Variants in IRF2 observed in about 807,000 individuals in gnomAD.
IRF2 encodes interferon regulatory factor 2.
IRF2 carries 15 observed loss-of-function variants against 40.6 expected under a neutral mutation model. That is an observed-to-expected ratio of 0.37 (90% CI 0.25 to 0.57). The LOEUF is 0.57. Among genes scored for constraint, IRF2 ranks in the 20% least tolerant of loss-of-function variants. The probability of loss-of-function intolerance (pLI) is 0.77; values close to 1 mark genes in which losing one functional copy is unlikely to be tolerated. For synonymous variants in IRF2, 151 were observed against 165.5 expected, an observed-to-expected ratio of 0.91 and a Z score of 0.67; for missense variants, 317 against 455.7, an observed-to-expected ratio of 0.70 and a Z score of 2.77.
chr4:184,465,400 T>A (rs560842646), intron 1 of IRF2, among the ~76,000 whole-genome samples: 1 of 152,136 alleles, frequency 6.6e-6, no homozygotes, highest in Non-Finnish European at 1.5e-5. Context: ...ATATTAGCAC[T>A]CTCTTGAGAA....
At chr4:184,393,391 A>G (rs1272660432) in intron 7 of IRF2, among the ~76,000 whole-genome samples, 6 of 152,164 alleles carry the variant, frequency 3.9e-5, no homozygotes, top group Non-Finnish European at 8.8e-5. Flanking sequence ...ACTCTCCATA[A>G]ATATCACTGT....
intron 1 of IRF2, among the ~76,000 whole-genome samples, chr4:184,434,214 CTA>C (rs372008359): frequency 2.2e-4 from 33 of 152,316 alleles, no homozygotes; most frequent in African/African-American, 7.7e-4. Context: ...CACAGAGCGG[CTA>C]TGTTTGTCTA....
At chr4:184,396,261 T>C (rs1246809944) in intron 7 of IRF2, among the ~76,000 whole-genome samples, 1 of 152,182 alleles carries the variant, frequency 6.6e-6, no homozygotes, top group African/African-American at 2.4e-5. Flanking sequence ...GATGTGGCTG[T>C]GTTCTGAACG....
chr4:184,463,660 T>TATA lies in IRF2; in HGVS notation c.-7+10718_-7+10719insTAT, dbSNP rs370250157. Among the ~76,000 whole-genome samples, 6 of 151,546 alleles carry TATA rather than the reference T, an allele frequency of 4.0e-5. No individual in the cohort carries two copies. The South Asian group carries it at 1.0e-3, about 26-fold the overall frequency. On this transcript the variant is annotated intron_variant, in intron 1 of 8. Transcript: ENST00000393593. Reference sequence around the variant, plus strand: ...GACAATATCGTGCATATATATATATTTTTTTTTTGATGGGCTGTGGTACGG... The same window carrying TATA: ...GACAATATCGTGCATATATATATATTATATTTTTTTTGATGGGCTGTGGTACGG...
chr4:184,405,772 C>G (rs115176899), intron 6 of IRF2, among the ~76,000 whole-genome samples: 1 of 152,054 alleles, frequency 6.6e-6, no homozygotes, highest in Non-Finnish European at 1.5e-5. Flanking sequence ...AACGAGGCAG[C>G]GGCAGCCAGG....
intron 1 of IRF2, among the ~76,000 whole-genome samples, chr4:184,455,992 C>A (rs1042812722): frequency 1.3e-5 from 2 of 152,140 alleles, no homozygotes; most frequent in African/African-American, 4.8e-5. Flanking sequence ...GTGGGCACGT[C>A]AGTGTTAAAG....
At chr4:184,405,080 TA>T (rs1736803361) in intron 6 of IRF2, among the ~76,000 whole-genome samples, 1 of 152,074 alleles carries the variant, frequency 6.6e-6, no homozygotes, top group Admixed American at 6.5e-5. Flanking sequence ...CCATCTCTAC[TA>T]AATACAAAAA....
At chr4:184,417,608 T>A (rs1250365664) in intron 5 of IRF2, among the ~76,000 whole-genome samples, 2 of 152,164 alleles carry the variant, frequency 1.3e-5, no homozygotes, top group East Asian at 1.9e-4. Context: ...GACACACACA[T>A]GCACATCCCA....
At position 184,469,073 on chromosome 4, in the gene IRF2, T is replaced by C. The variant is rs141775984; in HGVS notation, c.-7+5306A>G. Reference sequence around the variant, plus strand: ...AAACAAATGAAATAATAACACAATGTGTGCATTTAAGAAAACCATTGCATG... The same window carrying C: ...AAACAAATGAAATAATAACACAATGCGTGCATTTAAGAAAACCATTGCATG... On this transcript the variant is annotated intron_variant, in intron 1 of 8. Transcript: ENST00000393593. Among the ~76,000 whole-genome samples, 1,245 of 152,348 alleles carry C rather than the reference T, an allele frequency of 8.2e-3. 7 individuals are homozygous for C. The highest frequency in any genetic ancestry group is 0.013 in the Non-Finnish European group (881 of 68,030).
At chr4:184,456,069 G>A (rs1302583618) in intron 1 of IRF2, among the ~76,000 whole-genome samples, 1 of 152,156 alleles carries the variant, frequency 6.6e-6, no homozygotes, top group Non-Finnish European at 1.5e-5. Context: ...GAGCACACCG[G>A]AGTGGGTGCC....
At chr4:184,443,736 G>A (rs1419439024) in intron 1 of IRF2, among the ~76,000 whole-genome samples, 1 of 152,092 alleles carries the variant, frequency 6.6e-6, no homozygotes, top group Non-Finnish European at 1.5e-5. Context: ...CCCAGTAATG[G>A]AATTGCTGGG....
At position 184,388,065 on chromosome 4, in the gene IRF2, C is replaced by T. The variant is rs1230422105; in HGVS notation, c.*693G>A. On this transcript the variant is annotated 3_prime_UTR_variant, in exon 9 of 9. Coordinates refer to ENST00000393593, the MANE Select transcript of IRF2 (RefSeq NM_002199.4). The surrounding 1 kb of genome is among the most constrained non-coding windows in gnomAD (Gnocchi z 4.6). ...TTCCATGATACTTTTTCCTTTGTACCGCGTGGCATTCAAGCATAGCAGATT... is the reference window on the plus strand; with the variant it reads ...TTCCATGATACTTTTTCCTTTGTACTGCGTGGCATTCAAGCATAGCAGATT... 1.3e-5 allele frequency: 2 copies of T among 152,446 alleles called. No homozygotes were observed. Among genetic ancestry groups the T allele is most frequent in the East Asian group, 1.9e-4 (1 of 5,192 alleles). 9.4% of individuals were successfully genotyped at this position (152,446 alleles called of 1,614,324 possible). A position where few individuals can be genotyped will look rare whatever the true frequency, so the allele number is the denominator to read the frequency against.
chr4:184,442,851 A>G (rs1328297448), intron 1 of IRF2, among the ~76,000 whole-genome samples: 1 of 120,580 alleles, frequency 8.3e-6, no homozygotes, highest in African/African-American at 3.2e-5. Flanking sequence ...GATACCAAGT[A>G]CTTCTCTCTT....
At chr4:184,397,905 T>G (rs938957255) in intron 7 of IRF2, among the ~76,000 whole-genome samples, 11 of 152,232 alleles carry the variant, frequency 7.2e-5, no homozygotes, top group Non-Finnish European at 1.0e-4. Flanking sequence ...GGAGCCATCC[T>G]TTTACTCTGG....
chr4:184,452,449 T>C (rs1579104202), intron 1 of IRF2, among the ~76,000 whole-genome samples: 1 of 152,264 alleles, frequency 6.6e-6, no homozygotes, highest in East Asian at 1.9e-4. Context: ...CATGTTCTCA[T>C]GCCGGCTGCC....
chr4:184,388,512 T>C lies in IRF2; in HGVS notation c.*246A>G. 2.0e-6 allele frequency: 1 copy of C among 494,458 alleles called. No individual in the cohort carries two copies. The highest frequency in any genetic ancestry group is 3.5e-6 in the Non-Finnish European group (1 of 282,970). 30.6% of individuals were successfully genotyped at this position (494,458 alleles called of 1,614,324 possible). On this transcript the variant is annotated 3_prime_UTR_variant, in exon 9 of 9. Coordinates refer to ENST00000393593, the MANE Select transcript of IRF2 (RefSeq NM_002199.4). The surrounding 1 kb of genome is among the most constrained non-coding windows in gnomAD (Gnocchi z 4.6). ...CACCTCCACTGCCCTTGTTGGTCCT[T>C]GAACTTGAGTGAGTAGCCCTGGGAG...
intron 1 of IRF2, among the ~76,000 whole-genome samples, chr4:184,468,611 T>G (rs1294029468): frequency 6.6e-6 from 1 of 152,186 alleles, no homozygotes; most frequent in Non-Finnish European, 1.5e-5. Context: ...TCCGAAGTGC[T>G]TTTTAAAATG....
chr4:184,441,013 C>T (rs1738285437), intron 1 of IRF2, among the ~76,000 whole-genome samples: 1 of 152,170 alleles, frequency 6.6e-6, no homozygotes, highest in Admixed American at 6.5e-5. Flanking sequence ...AAAGATTGTT[C>T]AAATGTCTCT....
At chr4:184,460,447 T>G (rs1739093241) in intron 1 of IRF2, among the ~76,000 whole-genome samples, 1 of 152,222 alleles carries the variant, frequency 6.6e-6, no homozygotes, top group South Asian at 2.1e-4. Flanking sequence ...AATTATACAC[T>G]TTAAGATGAT....
Sources: gnomAD v4.1 joint callset for allele counts (sites outside exome capture counted in the v4.1 genomes callset) on GRCh38, gnomAD v4.1.1 for gene constraint, Gnocchi (gnomAD v3.1) non-coding constraint, MANE v1.5 for transcripts, NCBI Gene and HGNC (gene_info 2026-07-23, HGNC 2026-07-21) for gene names.